The following DNMT3A variants were observed in gnomAD, a reference collection of about 807,000 sequenced individuals.
DNMT3A encodes the protein DNA methyltransferase 3 alpha.
Under a neutral mutation model 117.6 loss-of-function variants are expected in DNMT3A, and 267 were observed. The ratio of observed to expected loss-of-function variants is 2.27; its 90% CI spans 2.05 to 2.51. The LOEUF is 2.51. Ranked by LOEUF, DNMT3A falls within the 30% of genes most tolerant of loss-of-function variation. DNMT3A has a pLI of 0.00. For missense variants in DNMT3A, 1,029 were observed against 1,260.2 expected (o/e 0.82, Z 2.78); for synonymous variants, 432 against 474.8 (o/e 0.91, Z 1.17).
upstream of DNMT3A, chr2:25,341,929 C>G: frequency 2.0e-6 from 2 of 977,302 alleles, no homozygotes; most frequent in Non-Finnish European, 2.4e-6. Context: ...CCCGCGCGCC[C>G]TCCCTCCCTC....
intron 6 of DNMT3A, among the ~76,000 whole-genome samples, chr2:25,264,473 TG>T (rs113696296): frequency 0.021 from 3,101 of 150,478 alleles, 99 homozygotes; most frequent in African/African-American, 0.072. Flanking sequence ...TTTTTTGTTT[TG>T]TTTTTTTTTG....
chr2:25,322,453 A>C (rs2034631957), intron 1 of DNMT3A, among the ~76,000 whole-genome samples: 1 of 148,058 alleles, frequency 6.8e-6, no homozygotes, highest in Non-Finnish European at 1.5e-5. Flanking sequence ...CTCCCTCTCC[A>C]CCCCCCACCC....
rs1271561692 is a variant in DNMT3A, at chr2:25,231,182, G to C, written c.*3097C>G. 1 of 152,342 alleles carries C rather than the reference G, an allele frequency of 6.6e-6. No individual in the cohort carries two copies. Among genetic ancestry groups the C allele is most frequent in the East Asian group, 1.9e-4 (1 of 5,194 alleles). The allele number at this position is 152,342 out of a possible 1,614,324, so 9.4% of individuals were successfully genotyped here. ...GGAGGGAGCACCTTGGACTGCCTGA[G>C]GCAGCCCCTCCTCCCCCAGCCCTCC... On this transcript the variant is annotated 3_prime_UTR_variant, in exon 23 of 23. Transcript: ENST00000321117.
rs1303211125 is a variant in DNMT3A at position 25,298,915 on chromosome 2, C to G, written c.177+1224G>C. On this transcript the variant is annotated intron_variant, in intron 3 of 22. Coordinates refer to ENST00000321117, the MANE Select transcript of DNMT3A (RefSeq NM_022552.5). This position sits in a 1 kb window ranked among gnomAD's most constrained non-coding sequence, Gnocchi z 4.3. The stretch of plus-strand genomic sequence containing the variant: ...CTCAGTACACAGCAGGTTCCCACAC[C>G]CCCCACCTCCAGGAACTCACCACCC... Among the ~76,000 whole-genome samples, 1 of 150,362 alleles carries G rather than the reference C, an allele frequency of 6.7e-6. No individual in the cohort carries two copies. Among genetic ancestry groups the G allele is most frequent in the African/African-American group, 2.4e-5 (1 of 40,834 alleles).
chr2:25,340,357 G>A (rs2149456425), intron 1 of DNMT3A, among the ~76,000 whole-genome samples: 1 of 152,328 alleles, frequency 6.6e-6, no homozygotes, highest in East Asian at 1.9e-4. Context: ...GGGGAGAAAT[G>A]GCAGAGGGGC....
rs148545702 is a variant in DNMT3A at position 25,306,287 on chromosome 2, G to A, written c.73-6044C>T. Among the ~76,000 whole-genome samples, 1 of 152,326 alleles carries A rather than the reference G, an allele frequency of 6.6e-6. No individual in the cohort carries two copies. The highest frequency in any genetic ancestry group is 2.4e-5 in the African/African-American group (1 of 41,574). The stretch of plus-strand genomic sequence containing the variant: ...GTGGGCTGGGAATCACTGTAGATGC[G>A]CATGGGCCCAGAGCCCTCCAAAGCC... On this transcript the variant is annotated intron_variant, in intron 2 of 22. Transcript: ENST00000321117. This position sits in a 1 kb window ranked among gnomAD's most constrained non-coding sequence, Gnocchi z 4.1.
chr2:25,229,769 C>T lies in DNMT3A; in HGVS notation c.*4510G>A, dbSNP rs1013949917. Reference sequence around the variant, plus strand: ...GCAGAGTAGCAACAGGAATTCAAAACTGCCTCCCAAATGTACTCTATTTAT... The same window carrying T: ...GCAGAGTAGCAACAGGAATTCAAAATTGCCTCCCAAATGTACTCTATTTAT... On this transcript the variant is annotated 3_prime_UTR_variant, in exon 23 of 23. Transcript: ENST00000321117. 1 of 152,378 alleles carries T rather than the reference C, an allele frequency of 6.6e-6. No homozygotes were observed. Among genetic ancestry groups the T allele is most frequent in the Middle Eastern group, 3.4e-3 (1 of 294 alleles). The allele number at this position is 152,378 out of a possible 1,614,324, so 9.4% of individuals were successfully genotyped here. A position where few individuals can be genotyped will look rare whatever the true frequency, so the allele number is the denominator to read the frequency against.
Position 25,282,562 on chromosome 2 carries a change from C to T in DNMT3A, c.327G>A (p.Gly109=), listed in dbSNP as rs748287529. ...PQPEEGSPAG[G]QKGGAPAEGE... ...CCTCTGCTGGGGCCCCGCCCTTCTGCCCCCCAGCAGGGCTCCCCTCCTCTG... is the reference window on the plus strand; with the variant it reads ...CCTCTGCTGGGGCCCCGCCCTTCTGTCCCCCAGCAGGGCTCCCCTCCTCTG... Residue 109 remains glycine, a synonymous_variant, in exon 4 of 23, where the codon GGG becomes GGA. Transcript: ENST00000321117. The surrounding 1 kb of genome is among the most constrained non-coding windows in gnomAD (Gnocchi z 5.2). The T allele has an allele frequency of 6.8e-6, 11 of 1,613,266 alleles. No individual in the cohort carries two copies. The highest frequency in any genetic ancestry group is 4.4e-5 in the South Asian group (4 of 91,022).
At chr2:25,269,366 A>G (rs537877294) in intron 6 of DNMT3A, among the ~76,000 whole-genome samples, 1 of 152,300 alleles carries the variant, frequency 6.6e-6, no homozygotes, top group African/African-American at 2.4e-5. Flanking sequence ...ACAGGGATTC[A>G]GGGAAGGGAA....
At chr2:25,274,239 G>C (rs2031201807) in intron 6 of DNMT3A, among the ~76,000 whole-genome samples, 1 of 152,204 alleles carries the variant, frequency 6.6e-6, no homozygotes, top group African/African-American at 2.4e-5. Flanking sequence ...CGGTCCATCA[G>C]CAAGCCCTAG....
chr2:25,315,314 C>T (rs897596734), intron 1 of DNMT3A, among the ~76,000 whole-genome samples: 3 of 152,308 alleles, frequency 2.0e-5, no homozygotes, highest in African/African-American at 4.8e-5. Context: ...GGAGTGGGTG[C>T]CCCAGCCCTG....
In DNMT3A at chr2:25,304,598, G is replaced by T. The variant is rs985367870; in HGVS notation, c.73-4355C>A. On this transcript the variant is annotated intron_variant, in intron 2 of 22. Coordinates refer to ENST00000321117, the MANE Select transcript of DNMT3A (RefSeq NM_022552.5). This position sits in a 1 kb window ranked among gnomAD's most constrained non-coding sequence, Gnocchi z 4.3. The stretch of plus-strand genomic sequence containing the variant: ...TAGGAGCTTTCCAAAATGCAAAGCT[G>T]ATTATGCCACTCTGCAGAGCTTAAA... 1.3e-5 allele frequency among the ~76,000 whole-genome samples: 2 copies of T among 152,256 alleles called. No individual in the cohort carries two copies. The highest frequency in any genetic ancestry group is 4.8e-5 in the African/African-American group (2 of 41,478).
chr2:25,300,715 ATATATATATATATATATATATATATAT>A (rs2033425408), intron 2 of DNMT3A, among the ~76,000 whole-genome samples: 6 of 4,538 alleles, frequency 1.3e-3, no homozygotes, highest in South Asian at 5.6e-3. Context: ...ATAATATAAT[ATATATATATATATATATATATATATAT>A]ATATATATAT....
In DNMT3A at chr2:25,247,710, TC is replaced by T; in HGVS notation, c.894del (p.Lys299AsnfsTer17). The T allele has an allele frequency of 6.2e-7, 1 of 1,611,912 alleles. No homozygotes were observed. The highest frequency in any genetic ancestry group is 8.5e-7 in the Non-Finnish European group (1 of 1,179,646). ...RGFGIGELVW[G>X]KLRGFSWWPG... is the part of the protein sequence containing the mutation. Reference sequence around the variant, plus strand: ...GGCCACCAGGAGAAGCCCCGCAGTTTCCCCCACACCAGCTCCCCAATGCCAA... The same window carrying T: ...GGCCACCAGGAGAAGCCCCGCAGTTTCCCCACACCAGCTCCCCAATGCCAA... On this transcript the variant is annotated frameshift_variant, in exon 8 of 23. Coordinates refer to ENST00000321117, the MANE Select transcript of DNMT3A (RefSeq NM_022552.5). LOFTEE classifies it high-confidence loss of function. This position sits in a 1 kb window ranked among gnomAD's most constrained non-coding sequence, Gnocchi z 5.6.
At chr2:25,328,168 A>G (rs2034857533) in intron 1 of DNMT3A, among the ~76,000 whole-genome samples, 1 of 152,246 alleles carries the variant, frequency 6.6e-6, no homozygotes, top group Non-Finnish European at 1.5e-5. Flanking sequence ...GTACACTTAT[A>G]TGGGTGAACT....
intron 6 of DNMT3A, among the ~76,000 whole-genome samples, chr2:25,262,940 C>T (rs1156488417): frequency 6.6e-6 from 1 of 152,118 alleles, no homozygotes; most frequent in Non-Finnish European, 1.5e-5. Flanking sequence ...TGCCTTCCTC[C>T]TCTTTAACAC....
intron 6 of DNMT3A, among the ~76,000 whole-genome samples, chr2:25,260,923 G>C (rs1450209111): frequency 1.3e-5 from 2 of 152,174 alleles, no homozygotes; most frequent in Non-Finnish European, 2.9e-5. Flanking sequence ...GAGCCCAAGA[G>C]TCCAAGGCTG....
chr2:25,245,161 C>A, intron 13 of DNMT3A, 92 bp downstream of exon 13: 2 of 1,256,494 alleles, frequency 1.6e-6, no homozygotes, highest in South Asian at 2.6e-5. Flanking sequence ...CCGGGTGTCA[C>A]CCTGTACATG....
intron 4 of DNMT3A, among the ~76,000 whole-genome samples, chr2:25,277,487 G>C (rs1412155580): frequency 1.3e-5 from 2 of 152,096 alleles, no homozygotes; most frequent in Non-Finnish European, 2.9e-5. Flanking sequence ...TCCGGGGCTC[G>C]CGGTGGCGCT....
Sources: allele counts gnomAD v4.1 joint callset (sites outside exome capture counted in the v4.1 genomes callset), GRCh38; gene constraint gnomAD v4.1.1; non-coding constraint Gnocchi (gnomAD v3.1); transcripts MANE v1.5; gene names NCBI Gene and HGNC (gene_info 2026-07-23, HGNC 2026-07-21).